Variants in DGKQ observed in about 807,000 individuals in gnomAD.
DGKQ encodes the protein DAG kinase theta.
DGKQ carries 97 observed loss-of-function variants against 104.2 expected under a neutral mutation model. The ratio of observed to expected loss-of-function variants is 0.93; its 90% CI spans 0.79 to 1.10. The LOEUF (loss-of-function observed/expected upper bound fraction) is 1.10, where lower values mean the gene tolerates loss of function less well. Among genes scored for constraint, DGKQ ranks in the 50% least tolerant of loss-of-function variants. The pLI is 0.00. For synonymous variants in DGKQ, 736 were observed against 595.2 expected (o/e 1.24, Z -3.44); for missense variants, 1,465 against 1,352.1 (o/e 1.08, Z -1.31).
rs748529723 is a variant in DGKQ, at chr4:962,760, G to A, written c.2035+12C>T. 1.2e-5 allele frequency: 20 copies of A among 1,602,812 alleles called. No homozygotes were observed. Among genetic ancestry groups the A allele is most frequent in the Admixed American group, 6.8e-5 (4 of 58,460 alleles). On this transcript the variant is annotated intron_variant, in intron 17 of 22. Transcript: ENST00000273814. ...CCTGAGGCCCCCTCCTCGGCTGCAC[G>A]GCTGAGCCCACCTGTGCCCAGGGGC...
At chr4:969,338 G>A (rs550513667) in intron 2 of DGKQ, among the ~76,000 whole-genome samples, 4 of 152,342 alleles carry the variant, frequency 2.6e-5, no homozygotes, top group East Asian at 1.9e-4. Flanking sequence ...TGTCTCCTCC[G>A]AGCCAGGAAG....
chr4:968,961 CG>C, intron 2 of DGKQ, 51 bp from the exon 3 acceptor site: 1 of 1,199,082 alleles, frequency 8.3e-7, no homozygotes, highest in Non-Finnish European at 1.2e-6. Flanking sequence ...ACAGGCTGCC[CG>C]CCACCCCTCC....
chr4:963,132 G>A lies in DGKQ; in HGVS notation c.1886+7C>T, dbSNP rs1464529470. 6.3e-7 allele frequency: 1 copy of A among 1,591,356 alleles called. No homozygotes were observed. The highest frequency in any genetic ancestry group is 1.3e-5 in the African/African-American group (1 of 74,454). On this transcript the variant is annotated splice_region_variant and intron_variant, in intron 16 of 22. Transcript: ENST00000273814. ...CTGCCCTGGACCAGGGGTCCTGCTG[G>A]ACTCACCCGGGAAGAGGACCTCCGT... is the stretch of plus-strand genomic sequence containing the variant.
In DGKQ at chr4:961,800, G is replaced by A. The variant is rs1448736434; in HGVS notation, c.2350C>T (p.Leu784=). The A allele has an allele frequency of 2.5e-6, 4 of 1,608,760 alleles. No individual in the cohort carries two copies. The highest frequency in any genetic ancestry group is 3.4e-6 in the Non-Finnish European group (4 of 1,178,136). ...CTCCGAGAGTGACTGATCTTCTGCA[G>A]CCCCACCCGCACGTACACACCCTTG... The part of the protein sequence containing the change: ...HNKGVYVRVG[L]QKISHSRSLH... The change falls in exon 20 of 23, where the codon CTG becomes TTG. Residue 784 remains leucine, a synonymous_variant. Transcript: ENST00000273814.
At chr4:972,718 G>A (rs1481136622) in intron 1 of DGKQ, among the ~76,000 whole-genome samples, 5 of 152,240 alleles carry the variant, frequency 3.3e-5, no homozygotes, top group Non-Finnish European at 7.3e-5. Flanking sequence ...GCCCAGAACA[G>A]GGAAGGGCTG....
intron 15 of DGKQ, chr4:964,100 GGAGA>G (rs1406869415): frequency 6.5e-6 from 1 of 154,660 alleles, no homozygotes; most frequent in South Asian, 2.0e-4. Flanking sequence ...GCAGCTGACG[GGAGA>G]GAGAAAGCGC....
rs1157101912 is a variant in DGKQ, at chr4:967,153, A to T, written c.1196T>A (p.Leu399Gln). ...CTTGAGCCAGCCAGGGTAGATCTTCAGGACCTCCTGGGCCCGCGGCAGAGC... is the reference window on the plus strand; with the variant it reads ...CTTGAGCCAGCCAGGGTAGATCTTCTGGACCTCCTGGGCCCGCGGCAGAGC... ...IRALPRAQEV[L>Q]KIYPGWLKVG... The change falls in exon 9 of 23, where the codon CTG becomes CAG. Residue 399 changes from leucine to glutamine, a missense_variant. Physicochemically the swap from Leu to Gln is moderately radical, Grantham distance 113. Transcript: ENST00000273814. 6.3e-7 allele frequency: 1 copy of T among 1,597,578 alleles called. No individual in the cohort carries two copies. The highest frequency in any genetic ancestry group is 8.5e-7 in the Non-Finnish European group (1 of 1,172,572).
rs1711941865 is a variant in DGKQ at position 962,286 on chromosome 4, C to T, written c.2214+149G>A. ...CACAATCCCCAGCAGTGGCTACTTT[C>T]TGTGTCTCCCTCAACTGCCCGCTTT... is the stretch of plus-strand genomic sequence containing the variant. On this transcript the variant is annotated intron_variant, in intron 18 of 22. Coordinates refer to ENST00000273814, the MANE Select transcript of DGKQ (RefSeq NM_001347.4). The T allele has an allele frequency of 5.0e-5, 48 of 965,180 alleles. No individual in the cohort carries two copies. In the South Asian group the frequency reaches 7.2e-4, roughly 15 times the overall value. 59.8% of individuals were successfully genotyped at this position (965,180 alleles called of 1,614,324 possible).
chr4:967,138 C>T lies in DGKQ; in HGVS notation c.1211G>A (p.Gly404Asp), dbSNP rs766009648. 6.3e-7 allele frequency: 1 copy of T among 1,592,190 alleles called. No homozygotes were observed. The highest frequency in any genetic ancestry group is 8.6e-7 in the Non-Finnish European group (1 of 1,169,372). ...TCGGGCCCAGTCTCACTTGAGCCAGCCAGGGTAGATCTTCAGGACCTCCTG... is the reference window on the plus strand; with the variant it reads ...TCGGGCCCAGTCTCACTTGAGCCAGTCAGGGTAGATCTTCAGGACCTCCTG... ...RAQEVLKIYP[G>D]WLKVGVAYVS... Residue 404 changes from glycine to aspartate, a missense_variant, in exon 9 of 23, where the codon GGC (glycine) becomes GAC (aspartate). By Grantham distance (94) the Gly-to-Asp change is moderately conservative (BLOSUM62 -1). Coordinates refer to ENST00000273814, the MANE Select transcript of DGKQ (RefSeq NM_001347.4).
Position 972,964 on chromosome 4 carries a change from C to T in DGKQ, c.271+248G>A, listed in dbSNP as rs377114420. Among the ~76,000 whole-genome samples, 65 of 152,342 alleles carry T rather than the reference C, an allele frequency of 4.3e-4. No homozygotes were observed. In the South Asian group the frequency reaches 0.013, roughly 31 times the overall value. On this transcript the variant is annotated intron_variant, in intron 1 of 22. Coordinates refer to ENST00000273814, the MANE Select transcript of DGKQ (RefSeq NM_001347.4). ...AGGTCCCGCTCGCATCAGGCACAGC[C>T]CCTGGGTCGCAGCCATCGCGCGGCA...
intron 16 of DGKQ, 34 bp downstream of exon 16, chr4:963,105 T>A (rs768977021): frequency 1.3e-6 from 2 of 1,572,386 alleles, no homozygotes; most frequent in South Asian, 1.1e-5. Flanking sequence ...CCGCCCCTGC[T>A]GCTGCCCTGG....
rs755244449 is a variant in DGKQ, at chr4:960,667, C to T, written c.2782G>A (p.Asp928Asn). ...GCAGGCGCAGCATCCGCCCGGGCATCCCTGGTGGTCCCGGCCCTCCTCGGC... is the reference window on the plus strand; with the variant it reads ...GCAGGCGCAGCATCCGCCCGGGCATTCCTGGTGGTCCCGGCCCTCCTCGGC... The part of the protein sequence containing the change: ...QKPRRAGTTR[D>N]ARADAAPAPE... Residue 928 changes from aspartate (D) to asparagine (N), a missense_variant, in exon 23 of 23, where the codon GAT (aspartate) becomes AAT (asparagine). Asp to Asn is a conservative substitution (Grantham distance 23). Transcript: ENST00000273814. The T allele has an allele frequency of 4.3e-6, 7 of 1,612,224 alleles. No individual in the cohort carries two copies. The Admixed American group carries it at 8.3e-5, about 19-fold the overall frequency.
intron 20 of DGKQ, 45 bp from the exon 21 acceptor site, chr4:961,623 A>T: frequency 6.2e-7 from 1 of 1,610,216 alleles, no homozygotes; most frequent in East Asian, 2.2e-5. Context: ...TGCAGGCAGG[A>T]CGAGGGCTGA....
Position 963,270 on chromosome 4 carries a change from G to A in DGKQ, c.1755C>T (p.Asp585=), listed in dbSNP as rs1390466147. ...TCACGAACACAAGGAGGGGACAGCT[G>A]TCTGGGGGCAGCTTCGCGTGCTGAC... ...PDLLHAKLPP[D]SCPLLVFVNP... Residue 585 remains aspartate (D), a synonymous_variant, in exon 16 of 23, where the codon GAC becomes GAT. Transcript: ENST00000273814. 6.2e-7 allele frequency: 1 copy of A among 1,605,156 alleles called. No individual in the cohort carries two copies. The highest frequency in any genetic ancestry group is 1.3e-5 in the African/African-American group (1 of 74,840).
Position 973,214 on chromosome 4 carries a change from T to C in DGKQ, c.269A>G (p.Asp90Gly). 6.4e-7 allele frequency: 1 copy of C among 1,554,986 alleles called. No individual in the cohort carries two copies. ...FIWGLAGFLC[D>G]VCNFMSHEKC... is the part of the protein sequence containing the mutation. ...AGGCATCGGGCCCGGGCGCTCACCG[T>C]CGCACAGGAAGCCGGCCAGCCCCCA... Residue 90 changes from aspartate (D) to glycine (G), a missense_variant and splice_region_variant, in exon 1 of 23, where the codon GAC (aspartate) becomes GGC (glycine). By Grantham distance (94) the Asp-to-Gly change is moderately conservative. Coordinates refer to ENST00000273814, the MANE Select transcript of DGKQ (RefSeq NM_001347.4).
At chr4:965,057 G>A in intron 15 of DGKQ, 119 bp downstream of exon 15, 1 of 743,938 alleles carries the variant, frequency 1.3e-6, no homozygotes, top group Admixed American at 2.3e-5. Context: ...GTGAATTCAA[G>A]GAAGTGATGC....
At chr4:961,351 G>A (rs1315559633) in intron 21 of DGKQ, 116 bp downstream of exon 21, 14 of 1,254,410 alleles carry the variant, frequency 1.1e-5, no homozygotes, top group South Asian at 3.1e-5. Flanking sequence ...CGGGCTCAGC[G>A]GGGACCGGGG....
chr4:961,013 C>T (rs1486328763), intron 22 of DGKQ, 36 bp downstream of exon 22: 2 of 1,607,596 alleles, frequency 1.2e-6, no homozygotes, highest in East Asian at 4.5e-5. Context: ...CCAGCCCGGC[C>T]CACCTCCCCT....
chr4:967,931 C>A lies in DGKQ; in HGVS notation c.760G>T (p.Gly254Cys), dbSNP rs936982279. The A allele has an allele frequency of 1.4e-6, 2 of 1,472,430 alleles. No individual in the cohort carries two copies. The highest frequency in any genetic ancestry group is 1.3e-5 in the South Asian group (1 of 74,758). The allele number at this position is 1,472,430 out of a possible 1,614,324, so 91.2% of individuals were successfully genotyped here. Reference protein sequence around the residue: ...LPPACVRLLPGGFSKTQSFRI... With the variant: ...LPPACVRLLPCGFSKTQSFRI... ...AAGCTCTGCGTCTTGCTGAAGCCGC[C>A]GGGCAGAAGGCGCACGCACGCGGGA... The change falls in exon 6 of 23, where the codon GGC (glycine) becomes TGC (cysteine). Residue 254 changes from glycine (G) to cysteine (C), a missense_variant. Gly to Cys is a radical substitution (Grantham distance 159). Transcript: ENST00000273814.
Sources: allele counts gnomAD v4.1 joint callset (sites outside exome capture counted in the v4.1 genomes callset), GRCh38; gene constraint gnomAD v4.1.1; transcripts MANE v1.5; gene names NCBI Gene and HGNC (gene_info 2026-07-23, HGNC 2026-07-21).